The following ERC2 variants were observed in gnomAD, a reference collection of about 807,000 sequenced individuals.
ERC2 encodes the protein ELKS/RAB6-interacting/CAST family member 2, also known as ERC protein 2.
A neutral mutation model predicts 114.8 loss-of-function variants in ERC2; 42 were observed. The observed-to-expected ratio is 0.37, with a 90% CI of 0.29 to 0.47. The LOEUF (loss-of-function observed/expected upper bound fraction) is 0.47. ERC2 is among the 20% of genes least tolerant of loss of function. The probability of loss-of-function intolerance (pLI) is 0.99; values close to 1 mark genes in which losing one functional copy is unlikely to be tolerated. For missense variants in ERC2, 939 were observed against 1,150.7 expected (o/e 0.82, Z 2.66); for synonymous variants, 454 against 425.5 (o/e 1.07, Z -0.82).
At chr3:56,442,371 C>A (rs969193327) in intron 1 of ERC2, among the ~76,000 whole-genome samples, 7 of 152,092 alleles carry the variant, frequency 4.6e-5, no homozygotes, top group African/African-American at 1.4e-4. Context: ...AAGCGCACAC[C>A]CCCTCGCCTG....
intron 3 of ERC2, among the ~76,000 whole-genome samples, chr3:56,238,072 A>G (rs1179119864): frequency 6.6e-6 from 1 of 152,190 alleles, no homozygotes; most frequent in African/African-American, 2.4e-5. Flanking sequence ...GTCCTGGGCC[A>G]TGGACTTTAG....
chr3:56,329,789 C>T, intron 2 of ERC2, among the ~76,000 whole-genome samples: 1 of 146,628 alleles, frequency 6.8e-6, no homozygotes, highest in East Asian at 2.0e-4. Flanking sequence ...TGTATTTCCA[C>T]TATATATATA....
At chr3:55,989,262 T>C (rs1475607915) in intron 11 of ERC2, among the ~76,000 whole-genome samples, 1 of 152,278 alleles carries the variant, frequency 6.6e-6, no homozygotes, top group Non-Finnish European at 1.5e-5. Context: ...GCTGCTTTAA[T>C]GCATTCCATA....
chr3:55,586,705 T>C (rs1010930312), intron 17 of ERC2, among the ~76,000 whole-genome samples: 55 of 152,348 alleles, frequency 3.6e-4, no homozygotes, highest in African/African-American at 1.3e-3. Context: ...TGCAAATGCC[T>C]TGAAAGGAGT....
intron 17 of ERC2, among the ~76,000 whole-genome samples, chr3:55,616,091 G>C (rs188587118): frequency 6.6e-6 from 1 of 152,278 alleles, no homozygotes; most frequent in Non-Finnish European, 1.5e-5. Flanking sequence ...GGGTCTTATA[G>C]GATGTCCTTA....
chr3:56,308,281 A>C (rs2056347864), intron 2 of ERC2, among the ~76,000 whole-genome samples: 1 of 152,216 alleles, frequency 6.6e-6, no homozygotes, highest in Admixed American at 6.5e-5. Flanking sequence ...TGCTCTAAAA[A>C]TACTACAGAA....
chr3:55,856,868 T>G (rs1169905840), intron 14 of ERC2, among the ~76,000 whole-genome samples: 2 of 152,196 alleles, frequency 1.3e-5, no homozygotes, highest in Admixed American at 1.3e-4. Flanking sequence ...TGCTACAACA[T>G]GCAGAAACCT....
At chr3:55,879,192 G>A (rs1694792461) in intron 14 of ERC2, among the ~76,000 whole-genome samples, 1 of 140,674 alleles carries the variant, frequency 7.1e-6, no homozygotes, top group Non-Finnish European at 1.5e-5. Flanking sequence ...TCATCTACGT[G>A]ACAGGGCATT....
intron 17 of ERC2, among the ~76,000 whole-genome samples, chr3:55,558,362 A>T (rs529168250): frequency 1.3e-5 from 2 of 152,334 alleles, no homozygotes; most frequent in South Asian, 4.1e-4. Flanking sequence ...TAAGGTCCCA[A>T]ATATTCTTAT....
chr3:55,965,024 C>T (rs1488637135), intron 12 of ERC2, among the ~76,000 whole-genome samples: 1 of 152,186 alleles, frequency 6.6e-6, no homozygotes, highest in Non-Finnish European at 1.5e-5. Flanking sequence ...TATAATATAA[C>T]ATAATCATGG....
chr3:55,574,982 C>A (rs565930353), intron 17 of ERC2, among the ~76,000 whole-genome samples: 1 of 152,214 alleles, frequency 6.6e-6, no homozygotes, highest in South Asian at 2.1e-4. Flanking sequence ...CCTGGCTGAA[C>A]TACTGGCTCA....
intron 17 of ERC2, among the ~76,000 whole-genome samples, chr3:55,633,769 C>A (rs2059848661): frequency 6.6e-6 from 1 of 152,174 alleles, no homozygotes; most frequent in Non-Finnish European, 1.5e-5. Context: ...ATATATTTCT[C>A]CTTTCATATT....
At chr3:56,231,578 A>G (rs1279734103) in intron 3 of ERC2, among the ~76,000 whole-genome samples, 1 of 152,242 alleles carries the variant, frequency 6.6e-6, no homozygotes, top group Non-Finnish European at 1.5e-5. Flanking sequence ...TTCATGATGT[A>G]AGTATACACA....
At chr3:55,587,921 A>G (rs995698530) in intron 17 of ERC2, among the ~76,000 whole-genome samples, 1 of 152,220 alleles carries the variant, frequency 6.6e-6, no homozygotes, top group African/African-American at 2.4e-5. Context: ...CCTGACAGCC[A>G]GTGGTGGGAT....
chr3:55,670,755 T>G (rs1210661089), intron 17 of ERC2, among the ~76,000 whole-genome samples: 2 of 152,122 alleles, frequency 1.3e-5, no homozygotes, highest in East Asian at 3.9e-4. Context: ...AATGGCCCAA[T>G]AGGTCAAATT....
At chr3:56,052,793 C>G (rs1422331987) in intron 7 of ERC2, among the ~76,000 whole-genome samples, 2 of 152,130 alleles carry the variant, frequency 1.3e-5, no homozygotes, top group Admixed American at 1.3e-4. Context: ...AAGTATGAAC[C>G]ACTATTAGTA....
intron 14 of ERC2, among the ~76,000 whole-genome samples, chr3:55,778,545 A>G (rs2068785696): frequency 6.6e-6 from 1 of 152,212 alleles, no homozygotes; most frequent in Admixed American, 6.5e-5. Context: ...ATAATTATGA[A>G]AGTTCTGTGT....
At chr3:55,703,238 G>A (rs2063317817) in intron 15 of ERC2, among the ~76,000 whole-genome samples, 1 of 152,130 alleles carries the variant, frequency 6.6e-6, no homozygotes, top group Non-Finnish European at 1.5e-5. Context: ...CAGGAAAACA[G>A]CCTGGGTCTT....
intron 7 of ERC2, among the ~76,000 whole-genome samples, chr3:56,070,284 T>C (rs1191874562): frequency 6.6e-6 from 1 of 152,088 alleles, no homozygotes; most frequent in African/African-American, 2.4e-5. Context: ...CAGACTGAAA[T>C]ATGTAAAGGC....
Sources: gnomAD v4.1 joint callset for allele counts (sites outside exome capture counted in the v4.1 genomes callset) on GRCh38, gnomAD v4.1.1 for gene constraint, MANE v1.5 for transcripts, NCBI Gene and HGNC (gene_info 2026-07-23, HGNC 2026-07-21) for gene names.